LRP1B: variants seen among roughly 807,000 people sequenced by gnomAD.
LRP1B encodes the protein low-density lipoprotein receptor-related protein 1B.
Under a neutral mutation model 556.6 loss-of-function variants are expected in LRP1B, and 217 were observed. The observed-to-expected ratio is 0.39, with a 90% confidence interval of 0.35 to 0.44. The LOEUF is 0.44. Among genes scored for constraint, LRP1B ranks in the 20% least tolerant of loss-of-function variants. The pLI, the probability that LRP1B is intolerant of heterozygous loss-of-function variation, is 1.00. For synonymous variants in LRP1B, 2,047 were observed against 1,865.8 expected, an observed-to-expected ratio of 1.10 and a Z score of -2.50; for missense variants, 5,053 against 5,620.8, an observed-to-expected ratio of 0.90 and a Z score of 3.23.
chr2:140,307,141 T>C (rs947155252), intron 83 of LRP1B, among the ~76,000 whole-genome samples: 2 of 151,952 alleles, frequency 1.3e-5, no homozygotes, highest in Non-Finnish European at 2.9e-5. Flanking sequence ...TTTGGTGCAG[T>C]GTTAAATAAT....
intron 1 of LRP1B, among the ~76,000 whole-genome samples, chr2:141,836,735 C>G (rs548580907): frequency 2.6e-4 from 40 of 152,024 alleles, no homozygotes; most frequent in African/African-American, 9.6e-4. Flanking sequence ...ATGAATATCT[C>G]AAGATCAAAA....
At chr2:140,391,041 T>C (rs1683996374) in intron 66 of LRP1B, among the ~76,000 whole-genome samples, 1 of 152,056 alleles carries the variant, frequency 6.6e-6, no homozygotes, top group African/African-American at 2.4e-5. Context: ...CCAATAAAAA[T>C]AAAAGTAAAT....
At chr2:141,190,988 AG>A (rs1681477781) in intron 6 of LRP1B, among the ~76,000 whole-genome samples, 1 of 151,960 alleles carries the variant, frequency 6.6e-6, no homozygotes, top group Admixed American at 6.6e-5. Flanking sequence ...CTCAAGTGAG[AG>A]GTGACCTCCC....
chr2:142,115,269 T>A (rs1707145664), intron 1 of LRP1B, among the ~76,000 whole-genome samples: 1 of 150,292 alleles, frequency 6.7e-6, no homozygotes, highest in East Asian at 2.0e-4. Flanking sequence ...AAGATGAGCT[T>A]GGAACATCTG....
At chr2:141,879,773 C>G (rs1369531) in intron 1 of LRP1B, among the ~76,000 whole-genome samples, 131,928 of 151,958 alleles carry the variant, frequency 0.87, 57,356 homozygotes, top group East Asian at 1. Context: ...TTGTTTAGTA[C>G]ATGGAACGTC....
At chr2:140,344,772 C>A (rs963890526) in intron 77 of LRP1B, among the ~76,000 whole-genome samples, 3 of 151,540 alleles carry the variant, frequency 2.0e-5, no homozygotes, top group African/African-American at 4.8e-5. Flanking sequence ...ATATGTTAAA[C>A]CATGAAACTA....
In LRP1B at chr2:141,574,068, G is replaced by A. The variant is rs540365184; in HGVS notation, c.206-93535C>T. ...TAAAACTATTCCAAACAATTGAAAAGGGGGGACTCCTCCCTAACTCATTTT... is the reference window on the plus strand; with the variant it reads ...TAAAACTATTCCAAACAATTGAAAAAGGGGGACTCCTCCCTAACTCATTTT... On this transcript the variant is annotated intron_variant, in intron 2 of 90. Coordinates refer to ENST00000389484, the MANE Select transcript of LRP1B (RefSeq NM_018557.3). 8.8e-4 allele frequency among the ~76,000 whole-genome samples: 134 copies of A among 152,132 alleles called. 2 individuals are homozygous for A. The highest frequency in any genetic ancestry group is 3.1e-3 in the African/African-American group (128 of 41,558).
intron 3 of LRP1B, among the ~76,000 whole-genome samples, chr2:141,383,437 A>G (rs1160553050): frequency 4.6e-5 from 7 of 152,150 alleles, no homozygotes; most frequent in African/African-American, 1.7e-4. Flanking sequence ...CTTATTCACA[A>G]TGGCCAGGTT....
chr2:140,238,929 A>G (rs1186813493), intron 88 of LRP1B, among the ~76,000 whole-genome samples: 2 of 150,912 alleles, frequency 1.3e-5, no homozygotes, highest in African/African-American at 2.4e-5. Context: ...GTGAGCACAC[A>G]TGGCTCTTGT....
intron 71 of LRP1B, among the ~76,000 whole-genome samples, chr2:140,366,352 T>C (rs1325973158): frequency 1.3e-5 from 2 of 151,702 alleles, no homozygotes; most frequent in African/African-American, 4.8e-5. Context: ...TAGATGGTAT[T>C]GTTCATTAAA....
intron 2 of LRP1B, among the ~76,000 whole-genome samples, chr2:141,742,122 G>A (rs931276857): frequency 1.3e-5 from 2 of 151,828 alleles, no homozygotes; most frequent in Non-Finnish European, 2.9e-5. Flanking sequence ...ATTTATTTAT[G>A]TTTTCTATAT....
chr2:140,410,867 T>C (rs1212382173), intron 66 of LRP1B, among the ~76,000 whole-genome samples: 3 of 152,036 alleles, frequency 2.0e-5, no homozygotes, highest in Non-Finnish European at 4.4e-5. Flanking sequence ...ATGTCCACAG[T>C]GAAAGCTGGT....
chr2:140,595,571 T>C lies in LRP1B; in HGVS notation c.7194+3060A>G, dbSNP rs1022798654. ...ATATGGGGACAAAGAACGTTTATTT[T>C]ACCTTTTTGAATTAACAATGACTTC... On this transcript the variant is annotated intron_variant, in intron 43 of 90. Transcript: ENST00000389484. Among the ~76,000 whole-genome samples, 7 of 152,156 alleles carry C rather than the reference T, an allele frequency of 4.6e-5. No homozygotes were observed. In the South Asian group the frequency reaches 1.4e-3, roughly 31 times the overall value.
intron 3 of LRP1B, among the ~76,000 whole-genome samples, chr2:141,292,375 C>T (rs112277331): frequency 0.022 from 3,406 of 152,176 alleles, 70 homozygotes; most frequent in Non-Finnish European, 0.036. Flanking sequence ...CCTCTATCAA[C>T]TCATAGTTCA....
At chr2:141,611,994 CTGGAAAGTGGATG>C (rs1391099859) in intron 2 of LRP1B, among the ~76,000 whole-genome samples, 1 of 152,120 alleles carries the variant, frequency 6.6e-6, no homozygotes, top group Non-Finnish European at 1.5e-5. Flanking sequence ...CTAGGTTACC[CTGGAAAGTGGATG>C]AGGAAAGTAT....
At chr2:140,382,822 G>A (rs534174296) in intron 67 of LRP1B, among the ~76,000 whole-genome samples, 2 of 152,218 alleles carry the variant, frequency 1.3e-5, no homozygotes, top group South Asian at 4.1e-4. Flanking sequence ...TTCAACTACA[G>A]TTATGTGTTA....
chr2:141,799,384 G>A (rs960514923), intron 2 of LRP1B, among the ~76,000 whole-genome samples: 3 of 152,142 alleles, frequency 2.0e-5, no homozygotes, highest in African/African-American at 4.8e-5. Flanking sequence ...ATCATGAAAC[G>A]TGAGGGGGTT....
At chr2:141,061,701 A>G (rs1699340767) in intron 8 of LRP1B, among the ~76,000 whole-genome samples, 1 of 151,856 alleles carries the variant, frequency 6.6e-6, no homozygotes, top group African/African-American at 2.4e-5. Flanking sequence ...CCAGCTCCTC[A>G]TGAATGAACT....
At chr2:141,506,053 C>G (rs963823363) in intron 2 of LRP1B, among the ~76,000 whole-genome samples, 2 of 151,984 alleles carry the variant, frequency 1.3e-5, no homozygotes, top group African/African-American at 4.8e-5. Context: ...ATAGAAATTC[C>G]TAATCATTTG....
Sources: allele counts gnomAD v4.1 joint callset (sites outside exome capture counted in the v4.1 genomes callset), GRCh38; gene constraint gnomAD v4.1.1; transcripts MANE v1.5; gene names NCBI Gene and HGNC (gene_info 2026-07-23, HGNC 2026-07-21).